The following ADGRF3 variants were observed in gnomAD, a reference collection of about 807,000 sequenced individuals.
The protein encoded by ADGRF3 is G protein-coupled receptor 113.
ADGRF3 carries 85 observed loss-of-function variants against 93.2 expected under a neutral mutation model. The observed-to-expected ratio is 0.91, with a 90% CI of 0.77 to 1.09. The LOEUF is 1.09. Among genes scored for constraint, ADGRF3 ranks in the 50% least tolerant of loss-of-function variants. ADGRF3 has a pLI of 0.00. For synonymous variants in ADGRF3, 534 were observed against 532.5 expected, an observed-to-expected ratio of 1.00 and a Z score of -0.04; for missense variants, 1,125 against 1,246.2, an observed-to-expected ratio of 0.90 and a Z score of 1.46.
rs904645607 is a variant in ADGRF3, at chr2:26,322,906, C to A, written c.115-5344G>T. ...ATCCCAGCACTTTGGGAGGCCGAGGCAGGTGGATCACCTGAGGTCAGGAGT... is the reference window on the plus strand; with the variant it reads ...ATCCCAGCACTTTGGGAGGCCGAGGAAGGTGGATCACCTGAGGTCAGGAGT... On this transcript the variant is annotated intron_variant, in intron 1 of 13. Coordinates refer to ENST00000651242, the MANE Select transcript of ADGRF3 (RefSeq NM_001321971.2). Among the ~76,000 whole-genome samples the A allele has an allele frequency of 2.6e-5, 4 of 152,170 alleles. No individual in the cohort carries two copies. In the East Asian group the frequency reaches 7.7e-4, roughly 29 times the overall value.
At chr2:26,345,193 T>G (rs1327602284) in intron 1 of ADGRF3, among the ~76,000 whole-genome samples, 1 of 152,172 alleles carries the variant, frequency 6.6e-6, no homozygotes, top group African/African-American at 2.4e-5. Flanking sequence ...GGGTTGATAA[T>G]GTATGTGAAG....
chr2:26,345,246 T>A (rs1234794261), intron 1 of ADGRF3, among the ~76,000 whole-genome samples: 1 of 152,116 alleles, frequency 6.6e-6, no homozygotes, highest in Non-Finnish European at 1.5e-5. Context: ...GCAACTATTA[T>A]AAAATTTTAT....
chr2:26,316,149 C>T, intron 4 of ADGRF3, 126 bp downstream of exon 4: 1 of 1,014,236 alleles, frequency 9.9e-7, no homozygotes, highest in South Asian at 1.7e-5. Flanking sequence ...CTGGCTTTTT[C>T]TCCCACCCAG....
intron 1 of ADGRF3, among the ~76,000 whole-genome samples, chr2:26,338,030 A>AAAAT (rs566394449): frequency 3.9e-5 from 6 of 152,270 alleles, no homozygotes; most frequent in Admixed American, 1.3e-4. Context: ...TCTCAAAAAT[A>AAAAT]AAATAAATAA....
At position 26,314,575 on chromosome 2, in the gene ADGRF3, T is replaced by C; in HGVS notation, c.767A>G (p.Tyr256Cys). 6.2e-7 allele frequency: 1 copy of C among 1,614,018 alleles called. No individual in the cohort carries two copies. The highest frequency in any genetic ancestry group is 8.5e-7 in the Non-Finnish European group (1 of 1,179,876). The stretch of plus-strand genomic sequence containing the variant: ...CTTCAAGGGCACCCTCACCACCTCA[T>C]ACAGGTTCCACTTGAAGCCCTGGGC... ...FEAQGFKWNL[Y>C]EVVRVPLKAT... Residue 256 changes from tyrosine (Y) to cysteine (C), a missense_variant, in exon 6 of 14, where the codon TAT becomes TGT. Transcript: ENST00000651242.
At chr2:26,316,763 G>C in intron 3 of ADGRF3, 149 bp downstream of exon 3, 1 of 855,568 alleles carries the variant, frequency 1.2e-6, no homozygotes, top group South Asian at 1.9e-5. Context: ...GTAGGGAGGT[G>C]AGGAAGGAGC....
At position 26,317,582 on chromosome 2, in the gene ADGRF3, G is replaced by A. The variant is rs370320293; in HGVS notation, c.115-20C>T. The stretch of plus-strand genomic sequence containing the variant: ...CTGTCCCTGGAACAGAACACAGAGG[G>A]GAGACCTCAAGTCCCTTCCAAAGGC... On this transcript the variant is annotated intron_variant, in intron 1 of 13. Coordinates refer to ENST00000651242, the MANE Select transcript of ADGRF3 (RefSeq NM_001321971.2). 3.8e-6 allele frequency: 6 copies of A among 1,559,004 alleles called. No homozygotes were observed. Among genetic ancestry groups the A allele is most frequent in the Non-Finnish European group, 5.2e-6 (6 of 1,151,308 alleles).
chr2:26,308,771 T>A lies in ADGRF3; in HGVS notation c.*315A>T. On this transcript the variant is annotated 3_prime_UTR_variant, in exon 14 of 14. Coordinates refer to ENST00000651242, the MANE Select transcript of ADGRF3 (RefSeq NM_001321971.2). ...TCATTCACAACATGTATTGTTGTAG[T>A]TAAAAACTGGTTGAGAAAGTTTACT... The A allele has an allele frequency of 2.7e-6, 1 of 375,882 alleles. No individual in the cohort carries two copies. The allele number at this position is 375,882 out of a possible 1,614,324, so 23.3% of individuals were successfully genotyped here. A position where few individuals can be genotyped will look rare whatever the true frequency, so the allele number is the denominator to read the frequency against.
At chr2:26,323,169 A>G (rs1454939806) in intron 1 of ADGRF3, among the ~76,000 whole-genome samples, 3 of 152,152 alleles carry the variant, frequency 2.0e-5, no homozygotes, top group Non-Finnish European at 4.4e-5. Context: ...GTATATCTAT[A>G]TCAAATCTTA....
At chr2:26,324,112 G>T (rs917097768) in intron 1 of ADGRF3, among the ~76,000 whole-genome samples, 1 of 152,128 alleles carries the variant, frequency 6.6e-6, no homozygotes, top group Admixed American at 6.5e-5. Flanking sequence ...TTAGCTGGGT[G>T]TGGCGGCACA....
chr2:26,322,282 C>CAAAAAAA (rs60338868), intron 1 of ADGRF3, among the ~76,000 whole-genome samples: 3 of 76,758 alleles, frequency 3.9e-5, no homozygotes, highest in Admixed American at 1.2e-4. Flanking sequence ...GAATCTGTCT[C>CAAAAAAA]AAAAAAAAAA....
At chr2:26,317,443 A>C in intron 2 of ADGRF3, 53 bp downstream of exon 2, 1 of 1,522,498 alleles carries the variant, frequency 6.6e-7, no homozygotes, top group East Asian at 2.4e-5. Context: ...TTTCCACCTC[A>C]TTCCCAGCTC....
chr2:26,339,114 CAA>C (rs61584458), intron 1 of ADGRF3, among the ~76,000 whole-genome samples: 8 of 39,660 alleles, frequency 2.0e-4, no homozygotes, highest in South Asian at 1.1e-3. Flanking sequence ...GACTCCGTCA[CAA>C]AAAAAAAAAA....
intron 1 of ADGRF3, among the ~76,000 whole-genome samples, chr2:26,323,773 G>A (rs577877933): frequency 6.6e-6 from 1 of 152,042 alleles, no homozygotes; most frequent in South Asian, 2.1e-4. Flanking sequence ...GGGATTACAG[G>A]TGCCCACCAC....
At chr2:26,336,835 G>A (rs1676081280) in intron 1 of ADGRF3, among the ~76,000 whole-genome samples, 1 of 149,274 alleles carries the variant, frequency 6.7e-6, no homozygotes, top group South Asian at 2.2e-4. Context: ...AGTTATGTCT[G>A]AAAGTGTCCA....
At chr2:26,345,757 G>A (rs1410719122) in intron 1 of ADGRF3, 1 of 255,808 alleles carries the variant, frequency 3.9e-6, no homozygotes, top group Non-Finnish European at 7.7e-6. Context: ...CTACCCCCAA[G>A]ACTAAAACGG....
Position 26,313,879 on chromosome 2 carries a change from G to A in ADGRF3, c.953C>T (p.Ser318Phe), listed in dbSNP as rs758356786. The change falls in exon 7 of 14, where the codon TCT becomes TTT. Residue 318 changes from serine (S) to phenylalanine (F), a missense_variant. Physicochemically the swap from Ser to Phe is radical, Grantham distance 155. Coordinates refer to ENST00000651242, the MANE Select transcript of ADGRF3 (RefSeq NM_001321971.2). ...CTGAACAGCCAGCACAAAGCACTGA[G>A]AGCCTGACTCGTTGAAGGAGGAAGC... is the stretch of plus-strand genomic sequence containing the variant. ...SKASSFNESG[S>F]QCFVLAVQRC... 4 of 1,614,050 alleles carry A rather than the reference G, an allele frequency of 2.5e-6. No homozygotes were observed. The highest frequency in any genetic ancestry group is 2.5e-6 in the Non-Finnish European group (3 of 1,179,904).
At chr2:26,316,205 G>A (rs1674636374) in intron 4 of ADGRF3, 70 bp downstream of exon 4, 1 of 1,464,770 alleles carries the variant, frequency 6.8e-7, no homozygotes, top group Middle Eastern at 1.8e-4. Context: ...CAGGTTCAGA[G>A]AGGAGAAAAC....
At chr2:26,309,260 A>T (rs1363171111) in intron 13 of ADGRF3, 153 bp from the exon 14 acceptor site, 2 of 1,583,178 alleles carry the variant, frequency 1.3e-6, no homozygotes, top group Non-Finnish European at 1.7e-6. Flanking sequence ...GAATTTTCAG[A>T]GAAACCAAGT....
Sources: gnomAD v4.1 joint callset for allele counts (sites outside exome capture counted in the v4.1 genomes callset) on GRCh38, gnomAD v4.1.1 for gene constraint, MANE v1.5 for transcripts, NCBI Gene and HGNC (gene_info 2026-07-23, HGNC 2026-07-21) for gene names.